ADAMTS17: variants seen among roughly 807,000 people sequenced by gnomAD.
ADAMTS17 encodes the protein A disintegrin and metalloproteinase with thrombospondin motifs 17.
ADAMTS17 carries 113 observed loss-of-function variants against 141.5 expected under a neutral mutation model. That is an observed-to-expected ratio of 0.80 (90% confidence interval 0.69 to 0.93). ADAMTS17 has a LOEUF of 0.93. Ranked by LOEUF, ADAMTS17 falls within the 40% of genes least tolerant of loss-of-function variation. ADAMTS17 has a pLI of 0.00. For synonymous variants in ADAMTS17, 768 were observed against 630.6 expected (o/e 1.22, Z -3.27); for missense variants, 1,659 against 1,517.9 (o/e 1.09, Z -1.54).
At chr15:100,182,154 T>C (rs1314008825) in intron 8 of ADAMTS17, among the ~76,000 whole-genome samples, 2 of 152,208 alleles carry the variant, frequency 1.3e-5, no homozygotes, top group Non-Finnish European at 2.9e-5. Context: ...ATTTAACATG[T>C]GGACTCACAG....
intron 15 of ADAMTS17, among the ~76,000 whole-genome samples, chr15:100,092,188 C>T (rs542216109): frequency 6.6e-6 from 1 of 152,318 alleles, no homozygotes; most frequent in South Asian, 2.1e-4. Context: ...GGCTAGGGTA[C>T]GTTTCCATTT....
chr15:99,996,771 AT>A lies in ADAMTS17; in HGVS notation c.2796+613del, dbSNP rs796443930. 5.5e-3 allele frequency among the ~76,000 whole-genome samples: 808 copies of A among 146,936 alleles called. 7 individuals are homozygous for A. Among genetic ancestry groups the A allele is most frequent in the African/African-American group, 0.016 (661 of 40,422 alleles). ...AGGGAAGCCTGCCCTTTATTCAGCT[AT>A]TTTTTTTTTTGTAGTTTTATAGCCA... On this transcript the variant is annotated intron_variant, in intron 19 of 21. Coordinates refer to ENST00000268070, the MANE Select transcript of ADAMTS17 (RefSeq NM_139057.4).
chr15:100,234,594 T>A (rs1567402969), intron 7 of ADAMTS17, among the ~76,000 whole-genome samples: 1 of 152,182 alleles, frequency 6.6e-6, no homozygotes, highest in Non-Finnish European at 1.5e-5. Context: ...GTCCAACACG[T>A]GACTGTCTTA....
chr15:100,187,304 C>T (rs909530942), intron 8 of ADAMTS17, among the ~76,000 whole-genome samples: 1 of 152,210 alleles, frequency 6.6e-6, no homozygotes, highest in Non-Finnish European at 1.5e-5. Flanking sequence ...AACATGATTG[C>T]TTTAGGGTGC....
chr15:100,198,295 AAAAC>A (rs781309816), intron 8 of ADAMTS17, among the ~76,000 whole-genome samples: 27 of 152,356 alleles, frequency 1.8e-4, no homozygotes, highest in Middle Eastern at 6.8e-3. Context: ...CACTCATAAA[AAAAC>A]AAACAAACAA....
intron 20 of ADAMTS17, chr15:99,978,561 G>C (rs1596139434): frequency 6.6e-6 from 1 of 152,228 alleles, no homozygotes; most frequent in East Asian, 1.9e-4. Flanking sequence ...CATTACACAT[G>C]CAGATTTCAG....
chr15:99,985,504 GACTC>G (rs2060567095), intron 20 of ADAMTS17, among the ~76,000 whole-genome samples: 1 of 152,240 alleles, frequency 6.6e-6, no homozygotes, highest in African/African-American at 2.4e-5. Flanking sequence ...GTAAACGACT[GACTC>G]AAAGCCTTTG....
At chr15:100,222,728 G>A (rs547232151) in intron 7 of ADAMTS17, among the ~76,000 whole-genome samples, 10 of 152,334 alleles carry the variant, frequency 6.6e-5, no homozygotes, top group South Asian at 2.1e-4. Context: ...AATGGCCAAC[G>A]CTCTGCAGTA....
chr15:100,203,821 C>G (rs2900635), intron 7 of ADAMTS17, among the ~76,000 whole-genome samples: 8,977 of 152,046 alleles, frequency 0.059, 455 homozygotes, highest in East Asian at 0.28. Flanking sequence ...ATCACTTGAA[C>G]GCGGGAGGTA....
At chr15:100,158,832 A>G (rs1363196850) in intron 8 of ADAMTS17, among the ~76,000 whole-genome samples, 1 of 151,450 alleles carries the variant, frequency 6.6e-6, no homozygotes, top group Non-Finnish European at 1.5e-5. Flanking sequence ...CGTTTCTCTA[A>G]AGAAGACATA....
chr15:100,337,319 C>A (rs1222867769), intron 2 of ADAMTS17, among the ~76,000 whole-genome samples: 1 of 152,248 alleles, frequency 6.6e-6, no homozygotes, highest in African/African-American at 2.4e-5. Context: ...AACATGGACA[C>A]GTGGTCTGCA....
At chr15:100,174,419 A>G (rs906732584) in intron 8 of ADAMTS17, among the ~76,000 whole-genome samples, 3 of 151,988 alleles carry the variant, frequency 2.0e-5, no homozygotes, top group African/African-American at 4.8e-5. Context: ...AGTTTGTGCG[A>G]CTCTGTACCA....
At chr15:100,092,267 C>T (rs370953573) in intron 15 of ADAMTS17, among the ~76,000 whole-genome samples, 93 of 152,278 alleles carry the variant, frequency 6.1e-4, no homozygotes, top group African/African-American at 2.0e-3. Flanking sequence ...CAGTCTTCAA[C>T]GTCAGTTTAT....
rs28644333 is a variant in ADAMTS17 at position 100,281,673 on chromosome 15, G to A, written c.617-272C>T. On this transcript the variant is annotated intron_variant, in intron 3 of 21. Coordinates refer to ENST00000268070, the MANE Select transcript of ADAMTS17 (RefSeq NM_139057.4). ...CAGCTGGGGAGGCCAATGGGGCTGA[G>A]GGGAACAGAGGAGAAAACCCACCCC... is the stretch of plus-strand genomic sequence containing the variant. Among the ~76,000 whole-genome samples the A allele has an allele frequency of 0.1, 15,293 of 152,252 alleles. 791 individuals carry two copies. Among genetic ancestry groups the A allele is most frequent in the African/African-American group, 0.12 (5,125 of 41,542 alleles).
chr15:99,986,761 A>T (rs1393818033), intron 20 of ADAMTS17, among the ~76,000 whole-genome samples: 1 of 152,076 alleles, frequency 6.6e-6, no homozygotes, highest in Non-Finnish European at 1.5e-5. Context: ...AAGAAAGGAG[A>T]TTTCCTCCTC....
intron 10 of ADAMTS17, among the ~76,000 whole-genome samples, chr15:100,139,057 C>T (rs2038487503): frequency 6.6e-6 from 1 of 151,982 alleles, no homozygotes; most frequent in South Asian, 2.1e-4. Flanking sequence ...CTGCATTTGT[C>T]AAATTTCAAA....
At chr15:100,106,426 G>A (rs1364269779) in intron 14 of ADAMTS17, among the ~76,000 whole-genome samples, 3 of 152,200 alleles carry the variant, frequency 2.0e-5, no homozygotes, top group Admixed American at 6.5e-5. Flanking sequence ...CCATTCAAAT[G>A]TCTGGAGCAG....
At chr15:100,108,514 C>T (rs1260026368) in intron 14 of ADAMTS17, among the ~76,000 whole-genome samples, 1 of 152,132 alleles carries the variant, frequency 6.6e-6, no homozygotes, top group Non-Finnish European at 1.5e-5. Context: ...CTGTTCTAAC[C>T]AGTCATGGCC....
intron 12 of ADAMTS17, among the ~76,000 whole-genome samples, chr15:100,117,775 T>C (rs984968145): frequency 6.6e-6 from 1 of 152,196 alleles, no homozygotes; most frequent in Non-Finnish European, 1.5e-5. Flanking sequence ...AGTGGTTCCA[T>C]TCGTTTCCAT....
Sources: allele counts gnomAD v4.1 joint callset (sites outside exome capture counted in the v4.1 genomes callset), GRCh38; gene constraint gnomAD v4.1.1; transcripts MANE v1.5; gene names NCBI Gene and HGNC (gene_info 2026-07-23, HGNC 2026-07-21).